Variants in EPHA6 observed in about 807,000 individuals in gnomAD.
EPHA6 encodes the protein ephrin type-A receptor 6.
Under a neutral mutation model 112.0 loss-of-function variants are expected in EPHA6, and 50 were observed. That is an observed-to-expected ratio of 0.45 (90% CI 0.36 to 0.56). The LOEUF (loss-of-function observed/expected upper bound fraction) is 0.56. Among genes scored for constraint, EPHA6 ranks in the 20% least tolerant of loss-of-function variants. The pLI, the probability that EPHA6 is intolerant of heterozygous loss-of-function variation, is 0.00. For missense variants in EPHA6, 1,280 were observed against 1,417.4 expected (o/e 0.90, Z 1.56); for synonymous variants, 529 against 490.7 (o/e 1.08, Z -1.03).
chr3:97,381,299 A>G (rs933016679), intron 5 of EPHA6, among the ~76,000 whole-genome samples: 2 of 152,096 alleles, frequency 1.3e-5, no homozygotes, highest in African/African-American at 4.8e-5. Flanking sequence ...TTTATTATTG[A>G]TACCTATTAT....
intron 3 of EPHA6, among the ~76,000 whole-genome samples, chr3:97,015,099 T>A (rs923835944): frequency 6.6e-6 from 1 of 152,178 alleles, no homozygotes; most frequent in East Asian, 1.9e-4. Flanking sequence ...AATCATTGTC[T>A]CCTCTTGATC....
intron 2 of EPHA6, among the ~76,000 whole-genome samples, chr3:96,959,931 C>T (rs1046343567): frequency 2.0e-5 from 3 of 151,626 alleles, no homozygotes; most frequent in African/African-American, 7.3e-5. Context: ...AATATGAGGG[C>T]AAGAAAATTA....
intron 5 of EPHA6, among the ~76,000 whole-genome samples, chr3:97,363,873 G>A (rs1237111163): frequency 6.6e-6 from 1 of 152,046 alleles, no homozygotes; most frequent in Admixed American, 6.6e-5. Context: ...TATCCTTAAG[G>A]ACAGGAGGCT....
chr3:97,481,482 C>A (rs757321544), intron 9 of EPHA6: 5 of 1,197,842 alleles, frequency 4.2e-6, no homozygotes, highest in African/African-American at 1.5e-5. Flanking sequence ...ATAAGGAAGG[C>A]ACAAACCATA....
At chr3:97,347,420 A>G (rs1460884704) in intron 5 of EPHA6, among the ~76,000 whole-genome samples, 1 of 152,080 alleles carries the variant, frequency 6.6e-6, no homozygotes, top group African/African-American at 2.4e-5. Flanking sequence ...TATGTCCTGT[A>G]CCTATCACAG....
At chr3:97,584,709 G>C (rs1361467913) in intron 11 of EPHA6, among the ~76,000 whole-genome samples, 2 of 152,218 alleles carry the variant, frequency 1.3e-5, no homozygotes, top group African/African-American at 4.8e-5. Context: ...AAACCAGAAG[G>C]GACTTCCAGA....
intron 5 of EPHA6, among the ~76,000 whole-genome samples, chr3:97,277,062 G>A (rs1368905774): frequency 6.6e-6 from 1 of 152,146 alleles, no homozygotes; most frequent in Non-Finnish European, 1.5e-5. Context: ...GGAAAGGCCA[G>A]ATGGGTCTGT....
At chr3:97,633,289 A>G (rs1409814300) in intron 13 of EPHA6, among the ~76,000 whole-genome samples, 1 of 151,738 alleles carries the variant, frequency 6.6e-6, no homozygotes, top group Non-Finnish European at 1.5e-5. Flanking sequence ...TGAGAGAGCA[A>G]AAAAAAAGAG....
chr3:97,345,665 A>G (rs942187757), intron 5 of EPHA6, among the ~76,000 whole-genome samples: 7 of 152,144 alleles, frequency 4.6e-5, no homozygotes, highest in African/African-American at 1.4e-4. Flanking sequence ...AAGGTATTGG[A>G]TATCTATTTT....
At chr3:97,734,307 C>T (rs1454599519) in intron 15 of EPHA6, among the ~76,000 whole-genome samples, 4 of 151,986 alleles carry the variant, frequency 2.6e-5, no homozygotes, top group African/African-American at 9.7e-5. Flanking sequence ...TGCTATTTCT[C>T]TTAGTTGCTT....
At chr3:97,254,594 T>C (rs2079248377) in intron 5 of EPHA6, among the ~76,000 whole-genome samples, 1 of 152,252 alleles carries the variant, frequency 6.6e-6, no homozygotes, top group African/African-American at 2.4e-5. Context: ...CCAGCTCATA[T>C]TAGTTTTACA....
chr3:97,520,562 G>T (rs932489022), intron 10 of EPHA6, among the ~76,000 whole-genome samples: 2 of 152,152 alleles, frequency 1.3e-5, no homozygotes, highest in East Asian at 3.8e-4. Flanking sequence ...TAAGGCTTCT[G>T]CTGGAAATCT....
intron 3 of EPHA6, among the ~76,000 whole-genome samples, chr3:97,125,936 C>G (rs1488868749): frequency 6.6e-6 from 1 of 152,034 alleles, no homozygotes; most frequent in East Asian, 1.9e-4. Flanking sequence ...TTGTAGAAGA[C>G]TGAGAAATGA....
At chr3:97,224,286 A>G (rs1456828070) in intron 3 of EPHA6, among the ~76,000 whole-genome samples, 1 of 152,210 alleles carries the variant, frequency 6.6e-6, no homozygotes, top group African/African-American at 2.4e-5. Flanking sequence ...GTGGGCAAGA[A>G]TAGTTGCTGA....
At chr3:97,340,023 G>C (rs952147153) in intron 5 of EPHA6, among the ~76,000 whole-genome samples, 4 of 152,158 alleles carry the variant, frequency 2.6e-5, no homozygotes, top group Admixed American at 6.5e-5. Flanking sequence ...ATGAAAAACA[G>C]TGATAACCTA....
In EPHA6 at chr3:97,444,595, A is replaced by C. The variant is rs190293743; in HGVS notation, c.1732-3973A>C. 2.4e-4 allele frequency among the ~76,000 whole-genome samples: 37 copies of C among 152,272 alleles called. No individual in the cohort carries two copies. In the East Asian group the frequency reaches 7.0e-3, roughly 29 times the overall value. On this transcript the variant is annotated intron_variant, in intron 6 of 17. Transcript: ENST00000389672. ...AGGAGTAAATCAAAACCTAAAAGGT[A>C]ATTTGCCAGGGTACATAATAGAAGC... is the stretch of plus-strand genomic sequence containing the variant.
chr3:96,931,018 A>AGAAAG (rs1553733276), intron 2 of EPHA6, among the ~76,000 whole-genome samples: 9 of 84,560 alleles, frequency 1.1e-4, no homozygotes, highest in Non-Finnish European at 1.9e-4. Flanking sequence ...AAAAAAAAAA[A>AGAAAG]AAAGAAAAGC....
chr3:97,431,702 C>A (rs2089519030), intron 6 of EPHA6, among the ~76,000 whole-genome samples: 1 of 152,044 alleles, frequency 6.6e-6, no homozygotes, highest in African/African-American at 2.4e-5. Context: ...AATTATGCAT[C>A]ACAGCATTTT....
intron 1 of EPHA6, among the ~76,000 whole-genome samples, chr3:96,844,999 T>C (rs2034985346): frequency 1.3e-5 from 2 of 151,948 alleles, no homozygotes; most frequent in Non-Finnish European, 2.9e-5. Flanking sequence ...AAAAATAAGA[T>C]ATCCTGTACA....
Sources: gnomAD v4.1 joint callset for allele counts (sites outside exome capture counted in the v4.1 genomes callset) on GRCh38, gnomAD v4.1.1 for gene constraint, MANE v1.5 for transcripts, NCBI Gene and HGNC (gene_info 2026-07-23, HGNC 2026-07-21) for gene names.